The following FRMD5 variants were observed in gnomAD, a reference collection of about 807,000 sequenced individuals.
FRMD5 encodes the protein FERM domain-containing protein 5.
A neutral mutation model predicts 69.0 loss-of-function variants in FRMD5; 20 were observed. That is an observed-to-expected ratio of 0.29 (90% CI 0.20 to 0.42). The LOEUF (loss-of-function observed/expected upper bound fraction) is 0.42, where lower values mean the gene tolerates loss of function less well. FRMD5 is among the 10% of genes least tolerant of loss of function. FRMD5 has a pLI of 1.00. For synonymous variants in FRMD5, 271 were observed against 260.1 expected (o/e 1.04, Z -0.40); for missense variants, 595 against 708.6 (o/e 0.84, Z 1.82).
intron 1 of FRMD5, among the ~76,000 whole-genome samples, chr15:43,957,350 C>A (rs1479864581): frequency 6.6e-6 from 1 of 152,152 alleles, no homozygotes; most frequent in Non-Finnish European, 1.5e-5. Flanking sequence ...TGCCCACCAC[C>A]ATGCCTGACT....
At chr15:44,063,921 T>C (rs1036222887) in intron 1 of FRMD5, 2 of 266,044 alleles carry the variant, frequency 7.5e-6, no homozygotes, top group Non-Finnish European at 7.4e-6. Context: ...GTGTGAACCA[T>C]GAGAAGTACA....
chr15:44,064,914 A>G (rs1220324622), intron 1 of FRMD5, among the ~76,000 whole-genome samples: 1 of 152,226 alleles, frequency 6.6e-6, no homozygotes, highest in African/African-American at 2.4e-5. Context: ...TATCATGGGT[A>G]TATTACACAA....
Position 43,874,037 on chromosome 15 carries a change from T to A in FRMD5, c.1561A>T (p.Ile521Phe). ...ATGTCAAGGTCAGACTCGGTAAGGA[T>A]GATCAGGAGGAGGAGCAAAACAAAG... ...LLFVLLLLLI[I>F]LTESDLDIAF... The change falls in exon 14 of 14, where the codon ATC becomes TTC. Residue 521 changes from isoleucine to phenylalanine, a missense_variant. Ile to Phe is a conservative substitution (Grantham distance 21, BLOSUM62 0). Around this residue, in one of 5 missense-constraint regions of FRMD5, gnomAD observed 245 missense variants for 227.1 expected, o/e 1.08. Coordinates refer to ENST00000417257, the MANE Select transcript of FRMD5 (RefSeq NM_032892.5). The A allele has an allele frequency of 6.2e-7, 1 of 1,614,210 alleles. No individual in the cohort carries two copies. The highest frequency in any genetic ancestry group is 8.5e-7 in the Non-Finnish European group (1 of 1,180,034).
intron 1 of FRMD5, among the ~76,000 whole-genome samples, chr15:43,937,181 T>C (rs1042996681): frequency 2.0e-5 from 3 of 152,244 alleles, no homozygotes; most frequent in Non-Finnish European, 4.4e-5. Flanking sequence ...TTTGCCTGTC[T>C]TTCTAAAATA....
At chr15:44,179,298 A>C (rs1043730250) in intron 1 of FRMD5, among the ~76,000 whole-genome samples, 3 of 152,104 alleles carry the variant, frequency 2.0e-5, no homozygotes, top group African/African-American at 7.2e-5. Flanking sequence ...CCTCAAACCC[A>C]CTTGATTCCC....
chr15:43,990,195 C>T (rs1889606091), intron 1 of FRMD5: 7 of 490,920 alleles, frequency 1.4e-5, no homozygotes, highest in South Asian at 5.3e-5. Flanking sequence ...GGTGAGCTGG[C>T]GGCGGGTGTG....
At chr15:44,130,348 G>A (rs2077081889) in intron 1 of FRMD5, among the ~76,000 whole-genome samples, 2 of 152,048 alleles carry the variant, frequency 1.3e-5, no homozygotes, top group South Asian at 4.1e-4. Context: ...CCTTCCCCAG[G>A]ACCCTGATGG....
chr15:44,115,112 T>C (rs1332623379), intron 1 of FRMD5, among the ~76,000 whole-genome samples: 1 of 152,234 alleles, frequency 6.6e-6, no homozygotes, highest in African/African-American at 2.4e-5. Flanking sequence ...TGATCTGGCC[T>C]GGAGTCTACC....
intron 1 of FRMD5, among the ~76,000 whole-genome samples, chr15:44,151,180 G>A (rs1381085980): frequency 1.3e-5 from 2 of 151,920 alleles, no homozygotes; most frequent in Non-Finnish European, 2.9e-5. Context: ...GACGGATCAC[G>A]AGATCAGGAG....
chr15:44,021,360 G>A (rs895430022), intron 1 of FRMD5, among the ~76,000 whole-genome samples: 2 of 152,130 alleles, frequency 1.3e-5, no homozygotes, highest in African/African-American at 2.4e-5. Flanking sequence ...CTCATAAAAG[G>A]TAACTAACTC....
chr15:44,124,001 T>G (rs79859075), intron 1 of FRMD5, among the ~76,000 whole-genome samples: 1,740 of 152,264 alleles, frequency 0.011, 25 homozygotes, highest in African/African-American at 0.039. Context: ...TTTGTTTTTT[T>G]GTTTTTTGAG....
At chr15:44,135,339 C>T (rs1398148299) in intron 1 of FRMD5, among the ~76,000 whole-genome samples, 2 of 152,168 alleles carry the variant, frequency 1.3e-5, no homozygotes, top group African/African-American at 2.4e-5. Flanking sequence ...AAACAAGCCC[C>T]ACTGGCTTTA....
chr15:43,887,434 G>C (rs911359729), intron 10 of FRMD5, among the ~76,000 whole-genome samples: 14 of 152,260 alleles, frequency 9.2e-5, no homozygotes, highest in Non-Finnish European at 2.9e-5. Flanking sequence ...GGACTGAACA[G>C]GAGGGAAGTG....
chr15:44,195,056 T>TTCCC lies in FRMD5; in HGVS notation c.-6_-3dup, dbSNP rs1422712241. On this transcript the variant is annotated 5_prime_UTR_variant, in exon 1 of 14. Coordinates refer to ENST00000417257, the MANE Select transcript of FRMD5 (RefSeq NM_032892.5). The stretch of plus-strand genomic sequence containing the variant: ...GCCGCTCATCAACCTGCTCAGCATC[T>TTCCC]TCCCGCCCGCCCGCCCGGGAGCGAC... The TTCCC allele has an allele frequency of 2.0e-6, 3 of 1,524,918 alleles. No individual in the cohort carries two copies. Among genetic ancestry groups the TTCCC allele is most frequent in the Admixed American group, 2.0e-5 (1 of 51,002 alleles). The allele number at this position is 1,524,918 out of a possible 1,614,324, so 94.5% of individuals were successfully genotyped here.
In FRMD5 at chr15:43,872,917, T is replaced by C. The variant is rs921775173; in HGVS notation, c.*968A>G. The C allele has an allele frequency of 4.5e-6, 2 of 447,174 alleles. No homozygotes were observed. Among genetic ancestry groups the C allele is most frequent in the Non-Finnish European group, 7.9e-6 (2 of 254,058 alleles). 27.7% of individuals were successfully genotyped at this position (447,174 alleles called of 1,614,324 possible). ...AAATAGTCTTTGGGTCAAGGGGGTG[T>C]ATATAAAATAAGCACTGCTATCCAA... On this transcript the variant is annotated 3_prime_UTR_variant, in exon 14 of 14. Transcript: ENST00000417257.
intron 1 of FRMD5, among the ~76,000 whole-genome samples, chr15:44,083,779 T>G (rs935381584): frequency 1.3e-5 from 2 of 151,942 alleles, no homozygotes; most frequent in Admixed American, 6.6e-5. Flanking sequence ...AGAAAAGACA[T>G]AAAGACATAC....
At chr15:44,110,460 T>C (rs997877848) in intron 1 of FRMD5, among the ~76,000 whole-genome samples, 2 of 152,242 alleles carry the variant, frequency 1.3e-5, no homozygotes, top group Non-Finnish European at 2.9e-5. Context: ...AGGTTTGTAA[T>C]AAACTGCTTG....
intron 1 of FRMD5, among the ~76,000 whole-genome samples, chr15:44,086,741 A>G (rs1894211847): frequency 6.6e-6 from 1 of 152,206 alleles, no homozygotes; most frequent in South Asian, 2.1e-4. Flanking sequence ...TAAAAGGTGA[A>G]TATTGGCCTA....
intron 1 of FRMD5, among the ~76,000 whole-genome samples, chr15:44,186,129 G>A (rs762805764): frequency 5.9e-5 from 9 of 152,058 alleles, no homozygotes; most frequent in East Asian, 1.9e-4. Flanking sequence ...GTTTCTCCAC[G>A]TTGGTCAGGC....
Sources: allele counts gnomAD v4.1 joint callset (sites outside exome capture counted in the v4.1 genomes callset), GRCh38; gene constraint gnomAD v4.1.1; regional missense constraint gnomAD v4.1.1; transcripts MANE v1.5; gene names NCBI Gene and HGNC (gene_info 2026-07-23, HGNC 2026-07-21).